The following DSCAM variants were observed in gnomAD, a reference collection of about 807,000 sequenced individuals.
DSCAM encodes cell adhesion molecule DSCAM.
In DSCAM, 47 loss-of-function variants were observed where a neutral mutation model predicts 217.7. That is an observed-to-expected ratio of 0.22 (90% CI 0.17 to 0.28). The LOEUF (loss-of-function observed/expected upper bound fraction) is 0.28, where lower values mean the gene tolerates loss of function less well. DSCAM is among the 10% of genes least tolerant of loss of function. The pLI is 1.00. For synonymous variants in DSCAM, 1,056 were observed against 1,015.3 expected, an observed-to-expected ratio of 1.04 and a Z score of -0.76; for missense variants, 2,080 against 2,618.3, an observed-to-expected ratio of 0.79 and a Z score of 4.49.
At chr21:40,350,877 CTTTTTTTT>C (rs10658416) in intron 5 of DSCAM, among the ~76,000 whole-genome samples, 14 of 63,878 alleles carry the variant, frequency 2.2e-4, no homozygotes, top group Admixed American at 1.4e-3. Flanking sequence ...ATAAGTCATA[CTTTTTTTT>C]TTTTTTTTTT....
chr21:40,319,008 T>C (rs1204621059), intron 8 of DSCAM, among the ~76,000 whole-genome samples: 1 of 152,168 alleles, frequency 6.6e-6, no homozygotes, highest in Non-Finnish European at 1.5e-5. Flanking sequence ...GATCTATCTT[T>C]AAGGTTTCCT....
intron 15 of DSCAM, among the ~76,000 whole-genome samples, chr21:40,175,524 C>T (rs2090714923): frequency 6.6e-6 from 1 of 152,038 alleles, no homozygotes; most frequent in African/African-American, 2.4e-5. Flanking sequence ...TAGATAGTGC[C>T]TTCTTCCCAT....
chr21:40,511,694 T>C (rs2076258254), intron 3 of DSCAM, among the ~76,000 whole-genome samples: 1 of 152,038 alleles, frequency 6.6e-6, no homozygotes, highest in South Asian at 2.1e-4. Context: ...TTCACCAACC[T>C]ACAAAAAGTA....
At chr21:40,428,527 C>T (rs12482871) in intron 3 of DSCAM, among the ~76,000 whole-genome samples, 8,108 of 152,074 alleles carry the variant, frequency 0.053, 429 homozygotes, top group Admixed American at 0.16. Context: ...GCCTCAGCCT[C>T]CAAAAGTGCT....
At chr21:40,558,317 G>C (rs901690662) in intron 3 of DSCAM, among the ~76,000 whole-genome samples, 1 of 151,934 alleles carries the variant, frequency 6.6e-6, no homozygotes. Context: ...GCATGGCGGC[G>C]GGCACCTGTA....
At chr21:40,155,902 C>T (rs1237064559) in intron 16 of DSCAM, among the ~76,000 whole-genome samples, 2 of 151,510 alleles carry the variant, frequency 1.3e-5, no homozygotes, top group Admixed American at 6.6e-5. Context: ...CAGGCCCTTT[C>T]CACTGGGGAG....
chr21:40,651,870 A>G (rs971560590), intron 3 of DSCAM, among the ~76,000 whole-genome samples: 1 of 152,184 alleles, frequency 6.6e-6, no homozygotes, highest in Non-Finnish European at 1.5e-5. Flanking sequence ...CTTCAATGAG[A>G]TAAAGACATT....
At position 40,444,940 on chromosome 21, in the gene DSCAM, C is replaced by A. The variant is rs532517134; in HGVS notation, c.509-75695G>T. Among the ~76,000 whole-genome samples the A allele has an allele frequency of 1.6e-3, 241 of 152,320 alleles. 2 individuals are homozygous for A. The highest frequency in any genetic ancestry group is 3.4e-3 in the Middle Eastern group (1 of 294). ...TCTCTATCACTGACCTACGCTTGCC[C>A]TACATTGTCTATGTTTTCTGTTTAG... On this transcript the variant is annotated intron_variant, in intron 3 of 32. Coordinates refer to ENST00000400454, the MANE Select transcript of DSCAM (RefSeq NM_001389.5).
chr21:40,341,858 T>C (rs1256351774), intron 6 of DSCAM, among the ~76,000 whole-genome samples: 1 of 152,174 alleles, frequency 6.6e-6, no homozygotes, highest in Non-Finnish European at 1.5e-5. Flanking sequence ...GAGCAGTCCG[T>C]ATCACCCATT....
chr21:40,697,423 A>G (rs980919432), intron 2 of DSCAM, among the ~76,000 whole-genome samples: 3 of 152,130 alleles, frequency 2.0e-5, no homozygotes, highest in African/African-American at 7.2e-5. Flanking sequence ...CTAATTTTCT[A>G]TAGTGTTTCC....
At chr21:40,480,367 G>A (rs2075971910) in intron 3 of DSCAM, among the ~76,000 whole-genome samples, 1 of 152,130 alleles carries the variant, frequency 6.6e-6, no homozygotes, top group Admixed American at 6.5e-5. Flanking sequence ...TTCCCTCCTG[G>A]TATTCTTCCC....
At chr21:40,591,465 G>A (rs187355970) in intron 3 of DSCAM, among the ~76,000 whole-genome samples, 2 of 152,110 alleles carry the variant, frequency 1.3e-5, no homozygotes, top group African/African-American at 2.4e-5. Flanking sequence ...CTTACCATTC[G>A]ATATAAGTAA....
intron 24 of DSCAM, among the ~76,000 whole-genome samples, chr21:40,082,595 A>T (rs534225061): frequency 6.6e-6 from 1 of 152,150 alleles, no homozygotes; most frequent in South Asian, 2.1e-4. Context: ...CTCTCTGTGC[A>T]TTCCACAAGG....
chr21:40,209,958 TCA>T (rs1209635740), intron 11 of DSCAM, among the ~76,000 whole-genome samples: 5 of 152,198 alleles, frequency 3.3e-5, no homozygotes, highest in African/African-American at 1.2e-4. Flanking sequence ...CAGATTAAGC[TCA>T]GTTTTCACAG....
At chr21:40,660,280 A>G (rs933845399) in intron 3 of DSCAM, among the ~76,000 whole-genome samples, 2 of 152,220 alleles carry the variant, frequency 1.3e-5, no homozygotes, top group African/African-American at 4.8e-5. Context: ...GACAAGAGAA[A>G]GAAAGGAAGG....
intron 15 of DSCAM, among the ~76,000 whole-genome samples, chr21:40,171,821 G>A (rs961512758): frequency 6.6e-6 from 1 of 151,858 alleles, no homozygotes; most frequent in Non-Finnish European, 1.5e-5. Context: ...TTTTTCATAG[G>A]TTATCATCTC....
rs572178895 is a variant in DSCAM, at chr21:40,316,959, CTCG to C, written c.1784-4603_1784-4601del. 2.3e-3 allele frequency among the ~76,000 whole-genome samples: 344 copies of C among 152,284 alleles called. 3 individuals are homozygous for C. Among genetic ancestry groups the C allele is most frequent in the African/African-American group, 8.0e-3 (332 of 41,558 alleles). The stretch of plus-strand genomic sequence containing the variant: ...CTTTGATAAAATCATGGGTGGGGTG[CTCG>C]TCAATTCTGGGTGATTAGCAGTGTT... On this transcript the variant is annotated intron_variant, in intron 8 of 32. Coordinates refer to ENST00000400454, the MANE Select transcript of DSCAM (RefSeq NM_001389.5).
chr21:40,647,655 A>G (rs2089963789), intron 3 of DSCAM, among the ~76,000 whole-genome samples: 1 of 152,248 alleles, frequency 6.6e-6, no homozygotes, highest in Non-Finnish European at 1.5e-5. Flanking sequence ...GATAAAAACT[A>G]TATATTATTT....
At chr21:40,660,429 C>G (rs560593802) in intron 3 of DSCAM, among the ~76,000 whole-genome samples, 1 of 152,284 alleles carries the variant, frequency 6.6e-6, no homozygotes, top group South Asian at 2.1e-4. Context: ...AACAATAACA[C>G]CCATCTACAA....
Sources: allele counts gnomAD v4.1 joint callset (sites outside exome capture counted in the v4.1 genomes callset), GRCh38; gene constraint gnomAD v4.1.1; transcripts MANE v1.5; gene names NCBI Gene and HGNC (gene_info 2026-07-23, HGNC 2026-07-21).